The following C11orf65 variants were observed in gnomAD, a reference collection of about 807,000 sequenced individuals.
The protein encoded by C11orf65 is chromosome 11 open reading frame 65.
Under a neutral mutation model 35.3 loss-of-function variants are expected in C11orf65, and 38 were observed. That is an observed-to-expected ratio of 1.08 (90% confidence interval 0.83 to 1.41). The LOEUF (loss-of-function observed/expected upper bound fraction) is 1.41. Ranked by LOEUF, C11orf65 falls within the 40% of genes most tolerant of loss-of-function variation. The pLI is 0.00. For missense variants in C11orf65, 370 were observed against 367.1 expected (o/e 1.01, Z -0.06); for synonymous variants, 105 against 114.4 (o/e 0.92, Z 0.53).
intron 2 of C11orf65, among the ~76,000 whole-genome samples, chr11:108,445,483 G>T (rs978314806): frequency 1.1e-4 from 16 of 152,290 alleles, no homozygotes; most frequent in African/African-American, 3.9e-4. Flanking sequence ...CTGTTCTGCA[G>T]CCACCACTGC....
downstream of C11orf65, among the ~76,000 whole-genome samples, chr11:108,379,272 A>G (rs943775069): frequency 2.6e-5 from 4 of 152,210 alleles, no homozygotes; most frequent in African/African-American, 4.8e-5. Context: ...TGTGGCACAT[A>G]TATACCATGG....
At chr11:108,391,775 G>A (rs1302605027) in intron 7 of C11orf65, among the ~76,000 whole-genome samples, 1 of 134,108 alleles carries the variant, frequency 7.5e-6, no homozygotes, top group Non-Finnish European at 1.6e-5. Context: ...TCCACCCCCA[G>A]GAAACCACTA....
chr11:108,392,105 T>C (rs1021296164), intron 7 of C11orf65, among the ~76,000 whole-genome samples: 2 of 151,936 alleles, frequency 1.3e-5, no homozygotes, highest in African/African-American at 4.8e-5. Flanking sequence ...TGGAGTACAG[T>C]GGTGTGATCA....
intron 3 of C11orf65, among the ~76,000 whole-genome samples, chr11:108,427,113 C>A (rs2092913521): frequency 6.6e-6 from 1 of 152,080 alleles, no homozygotes; most frequent in Non-Finnish European, 1.5e-5. Context: ...CAATACCATT[C>A]AGGACCTAGG....
intron 2 of C11orf65, chr11:108,368,167 G>A (rs1169332384): frequency 4.8e-6 from 1 of 206,766 alleles, no homozygotes; most frequent in African/African-American, 2.3e-5. Context: ...CACAAGCCTA[G>A]GAGAAATAAC....
At position 108,315,991 on chromosome 11, in the gene C11orf65, T is replaced by C. The variant is rs746766702; in HGVS notation, c.641-6920A>G. On this transcript the variant is annotated intron_variant, in intron 6 of 6. Transcript: ENST00000525729. ...TGTGTGTGTAAAACCCAAAGCTATT[T>C]TCACAATCTTTTCTTATAGACTACG... The C allele has an allele frequency of 3.1e-6, 5 of 1,613,298 alleles. No homozygotes were observed. In the East Asian group the frequency reaches 1.1e-4, roughly 36 times the overall value.
At chr11:108,441,255 C>T (rs1051480607) in intron 2 of C11orf65, among the ~76,000 whole-genome samples, 11 of 152,188 alleles carry the variant, frequency 7.2e-5, no homozygotes, top group Admixed American at 2.0e-4. Flanking sequence ...AACTGCAAGG[C>T]GGCAGCGAGG....
chr11:108,310,668 CA>C, intron 6 of C11orf65, among the ~76,000 whole-genome samples: 1 of 152,202 alleles, frequency 6.6e-6, no homozygotes, highest in South Asian at 2.1e-4. Context: ...TTCCTAACTT[CA>C]GTCAGATTAG....
chr11:108,370,756 T>C (rs1285780684), intron 2 of C11orf65, among the ~76,000 whole-genome samples: 1 of 152,122 alleles, frequency 6.6e-6, no homozygotes, highest in African/African-American at 2.4e-5. Flanking sequence ...TTATTTTCCT[T>C]GAATCTGTTA....
chr11:108,314,331 C>G (rs550088077), intron 6 of C11orf65, among the ~76,000 whole-genome samples: 1 of 152,256 alleles, frequency 6.6e-6, no homozygotes, highest in African/African-American at 2.4e-5. Flanking sequence ...ATCTTGAATT[C>G]CTGAGCTCAA....
chr11:108,314,153 T>C (rs1205992942), intron 6 of C11orf65, among the ~76,000 whole-genome samples: 1 of 152,194 alleles, frequency 6.6e-6, no homozygotes, highest in Admixed American at 6.5e-5. Context: ...TCTGGCTCTG[T>C]TGCCCAGGCT....
downstream of C11orf65, chr11:108,329,144 A>G (rs587781323): frequency 1.9e-6 from 3 of 1,614,156 alleles, no homozygotes; most frequent in South Asian, 2.2e-5. Context: ...TGAAAACTAC[A>G]TGAAATCATC....
At chr11:108,328,307 C>T (rs138967484), downstream of C11orf65, among the ~76,000 whole-genome samples, 35 of 152,272 alleles carry the variant, frequency 2.3e-4, 1 homozygote, top group African/African-American at 7.2e-4. Flanking sequence ...AGTGCAGTGG[C>T]GCAATCTCGG....
chr11:108,466,061 G>C (rs1039254035), intron 1 of C11orf65, among the ~76,000 whole-genome samples: 2 of 151,958 alleles, frequency 1.3e-5, no homozygotes, highest in Admixed American at 1.3e-4. Context: ...CAGTAGTGAG[G>C]GAGAAATTAA....
intron 2 of C11orf65, chr11:108,343,083 G>A: frequency 9.4e-7 from 1 of 1,069,176 alleles, no homozygotes; most frequent in East Asian, 2.4e-5. Context: ...TTCCTCCAAG[G>A]AGCTTTGTCT....
chr11:108,446,980 A>C (rs1312272748), intron 2 of C11orf65, among the ~76,000 whole-genome samples: 1 of 152,200 alleles, frequency 6.6e-6, no homozygotes, highest in Non-Finnish European at 1.5e-5. Context: ...AGGGGTTGCA[A>C]TCCTAGTCTC....
At chr11:108,348,941 C>T (rs1275033450) in intron 2 of C11orf65, among the ~76,000 whole-genome samples, 3 of 152,088 alleles carry the variant, frequency 2.0e-5, no homozygotes, top group Admixed American at 6.5e-5. Context: ...TATTATCCCC[C>T]TGCAACTCAG....
chr11:108,412,998 G>A (rs552249712), intron 3 of C11orf65, among the ~76,000 whole-genome samples: 2 of 152,250 alleles, frequency 1.3e-5, no homozygotes, highest in South Asian at 2.1e-4. Context: ...CCCTCTATCA[G>A]TAATTGACAG....
intron 2 of C11orf65, among the ~76,000 whole-genome samples, chr11:108,452,806 A>G (rs181229186): frequency 6.6e-6 from 1 of 152,206 alleles, no homozygotes; most frequent in Admixed American, 6.5e-5. Context: ...CACACCATGG[A>G]ATACTATGCA....
Sources: gnomAD v4.1 joint callset for allele counts (sites outside exome capture counted in the v4.1 genomes callset) on GRCh38, gnomAD v4.1.1 for gene constraint, MANE v1.5 for transcripts, NCBI Gene and HGNC (gene_info 2026-07-23, HGNC 2026-07-21) for gene names.